Variants in SHQ1 observed in about 807,000 individuals in gnomAD.
The protein encoded by SHQ1 is protein SHQ1 homolog.
SHQ1 carries 49 observed loss-of-function variants against 53.8 expected under a neutral mutation model. The ratio of observed to expected loss-of-function variants is 0.91; its 90% CI spans 0.72 to 1.16. SHQ1 has a LOEUF of 1.16. Ranked by LOEUF, SHQ1 falls within the 50% of genes most tolerant of loss-of-function variation. The pLI, the probability that SHQ1 is intolerant of heterozygous loss-of-function variation, is 0.00. For synonymous variants in SHQ1, 243 were observed against 251.0 expected, an observed-to-expected ratio of 0.97 and a Z score of 0.30; for missense variants, 738 against 683.1, an observed-to-expected ratio of 1.08 and a Z score of -0.90.
chr3:72,772,202 G>T (rs1455378007), intron 10 of SHQ1, among the ~76,000 whole-genome samples: 1 of 148,534 alleles, frequency 6.7e-6, no homozygotes, highest in East Asian at 2.0e-4. Context: ...ATATGGTAGA[G>T]AAAATGGAAT....
intron 1 of SHQ1, chr3:72,846,465 T>G: frequency 1.5e-6 from 1 of 652,936 alleles, no homozygotes; most frequent in Non-Finnish European, 2.5e-6. Flanking sequence ...CCAGATAATT[T>G]TTTTGTATTT....
At chr3:72,758,307 C>T (rs975157330) in intron 10 of SHQ1, among the ~76,000 whole-genome samples, 1 of 152,180 alleles carries the variant, frequency 6.6e-6, no homozygotes, top group Non-Finnish European at 1.5e-5. Context: ...ACAAGGAAGG[C>T]TGCAAGCTAA....
chr3:72,794,089 T>A (rs1706526670), intron 9 of SHQ1: 1 of 152,232 alleles, frequency 6.6e-6, no homozygotes, highest in South Asian at 2.1e-4. Flanking sequence ...ACCATTTTCT[T>A]TGATCTGTGA....
At chr3:72,844,334 C>G in intron 2 of SHQ1, 25 bp downstream of exon 2, 1 of 1,598,854 alleles carries the variant, frequency 6.3e-7, no homozygotes, top group Non-Finnish European at 8.6e-7. Context: ...AAGAAATAAA[C>G]TAACAAAAAT....
At chr3:72,835,554 A>T (rs1398537802) in intron 4 of SHQ1, among the ~76,000 whole-genome samples, 1 of 152,200 alleles carries the variant, frequency 6.6e-6, no homozygotes. Flanking sequence ...CTCTGTAGAC[A>T]ACTCTACATT....
the SHQ1 span, among the ~76,000 whole-genome samples, chr3:72,735,750 A>AAGGAAGGC: frequency 1.5e-3 from 190 of 122,596 alleles, 1 homozygote; most frequent in African/African-American, 5.7e-3. Context: ...GGAAGGAAGG[A>AAGGAAGGC]AGGCAGGCAG....
intron 10 of SHQ1, chr3:72,773,143 G>A (rs1705890454): frequency 1.2e-5 from 9 of 754,938 alleles, no homozygotes; most frequent in Middle Eastern, 5.6e-4. Flanking sequence ...GTTTCAGGAT[G>A]AGTTGGAATT....
intron 1 of SHQ1, 147 bp downstream of exon 1, chr3:72,848,051 G>A: frequency 1.1e-6 from 1 of 941,452 alleles, no homozygotes. Context: ...CTGGAAGAGG[G>A]CAGTTCCCTG....
At chr3:72,728,081 C>T in the SHQ1 span, among the ~76,000 whole-genome samples, 2 of 152,328 alleles carry the variant, frequency 1.3e-5, no homozygotes, top group African/African-American at 2.4e-5. Context: ...TAGTTGTCCA[C>T]GATGGCAACA....
chr3:72,805,020 G>A (rs2106834705), intron 9 of SHQ1, among the ~76,000 whole-genome samples: 1 of 152,264 alleles, frequency 6.6e-6, no homozygotes, highest in Admixed American at 6.5e-5. Flanking sequence ...TACACACCTA[G>A]GCTATGGTAT....
intron 10 of SHQ1, among the ~76,000 whole-genome samples, chr3:72,767,224 C>G (rs1705749749): frequency 6.6e-6 from 1 of 152,198 alleles, no homozygotes; most frequent in Admixed American, 6.5e-5. Context: ...TTGAATTCTC[C>G]ATATTCCACC....
At chr3:72,812,551 G>A in intron 9 of SHQ1, 120 bp downstream of exon 9, 1 of 1,062,342 alleles carries the variant, frequency 9.4e-7, no homozygotes, top group Non-Finnish European at 1.4e-6. Context: ...AAAGTGGTTG[G>A]ATTCATTTTT....
intron 5 of SHQ1, 21 bp from the exon 6 acceptor site, chr3:72,824,572 A>AACTT: frequency 1.9e-6 from 3 of 1,602,474 alleles, no homozygotes; most frequent in Non-Finnish European, 2.5e-6. Context: ...ACATTGAAAG[A>AACTT]ACTTACTATA....
At chr3:72,733,265 G>T in the SHQ1 span, among the ~76,000 whole-genome samples, 2 of 151,448 alleles carry the variant, frequency 1.3e-5, no homozygotes, top group Non-Finnish European at 2.9e-5. Flanking sequence ...TTTGTTCCTG[G>T]ATCCCTTCCA....
chr3:72,774,698 A>G (rs756958974), intron 10 of SHQ1, among the ~76,000 whole-genome samples: 1 of 152,258 alleles, frequency 6.6e-6, no homozygotes, highest in Non-Finnish European at 1.5e-5. Flanking sequence ...AGAAAGAGTC[A>G]ATGTTAGCAA....
At chr3:72,757,754 G>A (rs534944104) in intron 10 of SHQ1, among the ~76,000 whole-genome samples, 2 of 152,276 alleles carry the variant, frequency 1.3e-5, no homozygotes, top group African/African-American at 2.4e-5. Flanking sequence ...GTTGTCACTT[G>A]TAAGTGGGAG....
the SHQ1 span, among the ~76,000 whole-genome samples, chr3:72,731,505 G>A: frequency 1.3e-5 from 2 of 150,498 alleles, no homozygotes; most frequent in Non-Finnish European, 3.0e-5. Flanking sequence ...GGCCAACATG[G>A]TGAAACCCCA....
At chr3:72,817,050 A>G (rs1403953298) in intron 7 of SHQ1, among the ~76,000 whole-genome samples, 180 bp downstream of exon 7, 1 of 152,190 alleles carries the variant, frequency 6.6e-6, no homozygotes, top group African/African-American at 2.4e-5. Context: ...AGACCAACTA[A>G]GTAATGTATG....
At chr3:72,729,157 T>A in the SHQ1 span, among the ~76,000 whole-genome samples, 4 of 152,210 alleles carry the variant, frequency 2.6e-5, no homozygotes, top group African/African-American at 9.6e-5. Flanking sequence ...CCCGAGCTTT[T>A]ATCTTGTGAC....
Sources: allele counts gnomAD v4.1 joint callset (sites outside exome capture counted in the v4.1 genomes callset), GRCh38; gene constraint gnomAD v4.1.1; transcripts MANE v1.5; gene names NCBI Gene and HGNC (gene_info 2026-07-23, HGNC 2026-07-21).